Variants in EPHA6 observed in about 807,000 individuals in gnomAD.
The protein encoded by EPHA6 is EPH receptor A6.
EPHA6 carries 50 observed loss-of-function variants against 112.0 expected under a neutral mutation model. The observed-to-expected ratio is 0.45, with a 90% CI of 0.36 to 0.56. EPHA6 has a LOEUF of 0.56. Ranked by LOEUF, EPHA6 falls within the 20% of genes least tolerant of loss-of-function variation. The pLI is 0.00. For synonymous variants in EPHA6, 529 were observed against 490.7 expected (o/e 1.08, Z -1.03); for missense variants, 1,280 against 1,417.4 (o/e 0.90, Z 1.56).
intron 11 of EPHA6, among the ~76,000 whole-genome samples, chr3:97,533,100 T>A (rs151285455): frequency 4.6e-5 from 7 of 152,066 alleles, no homozygotes; most frequent in Non-Finnish European, 8.8e-5. Flanking sequence ...TGAAAAGAAA[T>A]GTTTTCAAAA....
chr3:97,618,829 A>G (rs1171024332), intron 13 of EPHA6, among the ~76,000 whole-genome samples: 2 of 152,140 alleles, frequency 1.3e-5, no homozygotes, highest in African/African-American at 4.8e-5. Context: ...ATTCTACCAG[A>G]TGTACTAAGA....
chr3:97,673,176 T>C (rs2031022158), intron 14 of EPHA6, among the ~76,000 whole-genome samples: 1 of 152,202 alleles, frequency 6.6e-6, no homozygotes, highest in African/African-American at 2.4e-5. Flanking sequence ...TTTCCTTTCC[T>C]TGAAGTCAGA....
chr3:97,199,558 C>T (rs190785730), intron 3 of EPHA6, among the ~76,000 whole-genome samples: 26 of 152,212 alleles, frequency 1.7e-4, no homozygotes, highest in Non-Finnish European at 3.4e-4. Context: ...ATTTCCTGAC[C>T]GATAGAGCCT....
intron 5 of EPHA6, among the ~76,000 whole-genome samples, chr3:97,330,152 G>A (rs930086908): frequency 2.6e-5 from 4 of 151,744 alleles, no homozygotes; most frequent in East Asian, 1.9e-4. Flanking sequence ...ATTTCTGAGG[G>A]CTCTGTTCTG....
chr3:97,546,022 T>C (rs2092941919), intron 11 of EPHA6, among the ~76,000 whole-genome samples: 1 of 152,234 alleles, frequency 6.6e-6, no homozygotes, highest in South Asian at 2.1e-4. Flanking sequence ...TTTATCCAAT[T>C]TGCCAGTCTG....
chr3:96,944,596 C>T (rs928408963), intron 2 of EPHA6, among the ~76,000 whole-genome samples: 57 of 152,276 alleles, frequency 3.7e-4, no homozygotes, highest in African/African-American at 1.2e-3. Flanking sequence ...CAGTGGCTCA[C>T]GCCTGTAATC....
intron 3 of EPHA6, among the ~76,000 whole-genome samples, chr3:97,000,247 A>G (rs2107898758): frequency 6.8e-6 from 1 of 147,432 alleles, no homozygotes; most frequent in South Asian, 2.1e-4. Context: ...TCCAATTACC[A>G]TGTGTGTATG....
chr3:96,825,437 C>T (rs187161345), intron 1 of EPHA6, among the ~76,000 whole-genome samples: 4 of 151,584 alleles, frequency 2.6e-5, no homozygotes, highest in East Asian at 1.9e-4. Context: ...GTATGGTTTA[C>T]GATATATCCA....
intron 3 of EPHA6, among the ~76,000 whole-genome samples, chr3:96,990,058 A>G (rs1258491190): frequency 6.6e-6 from 1 of 152,172 alleles, no homozygotes; most frequent in Non-Finnish European, 1.5e-5. Flanking sequence ...ACCATATTTT[A>G]AATTAGGTAG....
chr3:96,851,493 C>G (rs2035384621), intron 1 of EPHA6, among the ~76,000 whole-genome samples: 1 of 152,044 alleles, frequency 6.6e-6, no homozygotes, highest in Non-Finnish European at 1.5e-5. Flanking sequence ...GTGCTAGGTT[C>G]TAGAAAAATT....
At chr3:97,497,572 C>G (rs747924008) in intron 10 of EPHA6, among the ~76,000 whole-genome samples, 1 of 152,082 alleles carries the variant, frequency 6.6e-6, no homozygotes, top group Non-Finnish European at 1.5e-5. Context: ...TTCCCTTTCT[C>G]TTTCTAATTC....
intron 4 of EPHA6, among the ~76,000 whole-genome samples, chr3:97,227,613 T>C (rs1243227636): frequency 6.6e-6 from 1 of 151,894 alleles, no homozygotes; most frequent in East Asian, 1.9e-4. Flanking sequence ...ACTTTGAGGG[T>C]GGTAAGAATG....
intron 7 of EPHA6, among the ~76,000 whole-genome samples, chr3:97,462,912 T>C (rs1021052737): frequency 4.6e-5 from 7 of 152,262 alleles, no homozygotes; most frequent in Admixed American, 3.3e-4. Flanking sequence ...GCCTCTTTTT[T>C]CTGTCACGTT....
chr3:97,369,911 T>G (rs1039757966), intron 5 of EPHA6, among the ~76,000 whole-genome samples: 4 of 152,230 alleles, frequency 2.6e-5, no homozygotes, highest in Non-Finnish European at 5.9e-5. Context: ...TTTCAATCTT[T>G]TATTCTTTCC....
intron 4 of EPHA6, among the ~76,000 whole-genome samples, chr3:97,227,981 C>A (rs554966811): frequency 1.6e-4 from 25 of 152,114 alleles, no homozygotes; most frequent in African/African-American, 6.0e-4. Context: ...TGGAGTGGGT[C>A]TTTAAAAAGG....
intron 3 of EPHA6, among the ~76,000 whole-genome samples, chr3:97,183,268 A>T (rs538468793): frequency 6.6e-6 from 1 of 152,104 alleles, no homozygotes; most frequent in Non-Finnish European, 1.5e-5. Context: ...TCCCTGACTC[A>T]GGTCTAAAGT....
intron 3 of EPHA6, among the ~76,000 whole-genome samples, chr3:97,101,145 G>A (rs1351150879): frequency 1.3e-5 from 2 of 151,910 alleles, no homozygotes; most frequent in Admixed American, 1.3e-4. Context: ...AGCTTTTACA[G>A]TAAATTTTGA....
chr3:96,946,479 C>T (rs998422704), intron 2 of EPHA6, among the ~76,000 whole-genome samples: 1 of 152,130 alleles, frequency 6.6e-6, no homozygotes, highest in African/African-American at 2.4e-5. Context: ...CCAGCTTCAT[C>T]CATGTCCCTA....
intron 3 of EPHA6, among the ~76,000 whole-genome samples, chr3:97,045,393 A>G (rs946750081): frequency 2.6e-4 from 40 of 152,062 alleles, no homozygotes; most frequent in Non-Finnish European, 4.3e-4. Flanking sequence ...CGTAAATAGC[A>G]TAGAGCAAAA....
Sources: gnomAD v4.1 joint callset for allele counts (sites outside exome capture counted in the v4.1 genomes callset) on GRCh38, gnomAD v4.1.1 for gene constraint, MANE v1.5 for transcripts, NCBI Gene and HGNC (gene_info 2026-07-23, HGNC 2026-07-21) for gene names.